CDK17: variants seen among roughly 807,000 people sequenced by gnomAD.
The protein encoded by CDK17 is cyclin-dependent kinase 17.
CDK17 carries 24 observed loss-of-function variants against 77.6 expected under a neutral mutation model. The ratio of observed to expected loss-of-function variants is 0.31; its 90% CI spans 0.22 to 0.44. CDK17 has a LOEUF of 0.44. Among genes scored for constraint, CDK17 ranks in the 20% least tolerant of loss-of-function variants. The pLI, the probability that CDK17 is intolerant of heterozygous loss-of-function variation, is 1.00. For synonymous variants in CDK17, 203 were observed against 210.4 expected, an observed-to-expected ratio of 0.96 and a Z score of 0.30; for missense variants, 429 against 622.5, an observed-to-expected ratio of 0.69 and a Z score of 3.31.
At chr12:96,298,602 C>A (rs891791511) in intron 7 of CDK17, among the ~76,000 whole-genome samples, 1 of 152,094 alleles carries the variant, frequency 6.6e-6, no homozygotes, top group Non-Finnish European at 1.5e-5. Context: ...TTTATAGTTA[C>A]CATGTTCCTC....
chr12:96,392,486 C>T (rs1217664794), intron 1 of CDK17, among the ~76,000 whole-genome samples: 2 of 152,014 alleles, frequency 1.3e-5, no homozygotes, highest in African/African-American at 2.4e-5. Flanking sequence ...AAAACCCTTA[C>T]GTAAGAAAGT....
chr12:96,345,990 T>G lies in CDK17; in HGVS notation c.-29-11125A>C, dbSNP rs556658760. ...AACTCTTCAATTAAAAGGCAGAGAT[T>G]GTCAGACTGGATTTTTTAAAAACCC... is the stretch of plus-strand genomic sequence containing the variant. On this transcript the variant is annotated intron_variant, in intron 1 of 16. Coordinates refer to ENST00000261211, the MANE Select transcript of CDK17 (RefSeq NM_002595.5). Among the ~76,000 whole-genome samples the G allele has an allele frequency of 2.2e-4, 33 of 152,342 alleles. No individual in the cohort carries two copies. In the East Asian group the frequency reaches 6.0e-3, roughly 28 times the overall value.
chr12:96,320,249 A>G (rs565123269), intron 3 of CDK17, among the ~76,000 whole-genome samples: 44 of 146,236 alleles, frequency 3.0e-4, no homozygotes, highest in Admixed American at 8.9e-4. Flanking sequence ...CCAACTTACA[A>G]GGGATGTGAA....
intron 1 of CDK17, among the ~76,000 whole-genome samples, chr12:96,388,917 A>C (rs905240963): frequency 2.4e-4 from 37 of 152,248 alleles, no homozygotes; most frequent in African/African-American, 8.9e-4. Flanking sequence ...TACAAACTTT[A>C]AAACAACCGA....
At position 96,288,643 on chromosome 12, in the gene CDK17, G is replaced by C. The variant is rs1187225174; in HGVS notation, c.1118+524C>G. ...GGAATTAATTGTACCTTATTCTATA[G>C]GTAATGAAGGGGGTGGCAATAACGG... On this transcript the variant is annotated intron_variant, in intron 11 of 16. Transcript: ENST00000261211. Among the ~76,000 whole-genome samples, 3 of 152,186 alleles carry C rather than the reference G, an allele frequency of 2.0e-5. No individual in the cohort carries two copies. In the East Asian group the frequency reaches 5.8e-4, roughly 29 times the overall value.
chr12:96,321,991 C>A (rs1952824025), intron 3 of CDK17, among the ~76,000 whole-genome samples: 1 of 152,082 alleles, frequency 6.6e-6, no homozygotes. Context: ...AAAAAAAAAT[C>A]TGTCCTGTTG....
At chr12:96,292,789 A>C (rs1952343370) in intron 10 of CDK17, among the ~76,000 whole-genome samples, 1 of 152,184 alleles carries the variant, frequency 6.6e-6, no homozygotes, top group East Asian at 1.9e-4. Context: ...TTTACTTTCT[A>C]GAAGCAAAAA....
At chr12:96,341,324 C>CAT (rs1301652036) in intron 1 of CDK17, among the ~76,000 whole-genome samples, 1 of 139,802 alleles carries the variant, frequency 7.2e-6, no homozygotes, top group Non-Finnish European at 1.7e-5. Flanking sequence ...TACATACACA[C>CAT]ACACACACAC....
chr12:96,340,074 ACATTTCTACTGGACAATGCTGACATAGAG>A (rs1953102004), intron 1 of CDK17, among the ~76,000 whole-genome samples: 1 of 152,086 alleles, frequency 6.6e-6, no homozygotes, highest in African/African-American at 2.4e-5. Context: ...GGTGCACATT[ACATTTCTACTGGACAATGCTGACATAGAG>A]CATTTTATAT....
intron 5 of CDK17, among the ~76,000 whole-genome samples, chr12:96,309,640 C>A (rs897218031): frequency 4.6e-5 from 7 of 151,630 alleles, no homozygotes; most frequent in African/African-American, 7.3e-5. Flanking sequence ...AGACAGAAAA[C>A]CCAATAGAAA....
At chr12:96,331,868 C>T (rs1253463957) in intron 2 of CDK17, among the ~76,000 whole-genome samples, 1 of 152,060 alleles carries the variant, frequency 6.6e-6, no homozygotes, top group Non-Finnish European at 1.5e-5. Flanking sequence ...AATCAAGAGA[C>T]AAGTGATCAA....
At chr12:96,380,100 T>C (rs1030048362) in intron 1 of CDK17, among the ~76,000 whole-genome samples, 1 of 150,840 alleles carries the variant, frequency 6.6e-6, no homozygotes, top group Non-Finnish European at 1.5e-5. Context: ...ACCCAGGAGG[T>C]TGAGCCTGCA....
chr12:96,284,426 A>C (rs571041649), intron 13 of CDK17: 2 of 146,280 alleles, frequency 1.4e-5, no homozygotes. Context: ...GCACCACTGC[A>C]GTCTGGCCTG....
At chr12:96,391,432 G>A (rs930334616) in intron 1 of CDK17, among the ~76,000 whole-genome samples, 3 of 151,036 alleles carry the variant, frequency 2.0e-5, no homozygotes, top group Non-Finnish European at 4.4e-5. Flanking sequence ...TGGAATTACA[G>A]GCCTGAGCCA....
At chr12:96,312,530 C>G (rs1457888856) in intron 4 of CDK17, among the ~76,000 whole-genome samples, 1 of 152,100 alleles carries the variant, frequency 6.6e-6, no homozygotes, top group Non-Finnish European at 1.5e-5. Context: ...ATTTAGAAAA[C>G]TGATAAGATT....
intron 1 of CDK17, among the ~76,000 whole-genome samples, chr12:96,380,174 C>CA (rs58742783): frequency 2.0e-4 from 29 of 145,232 alleles, no homozygotes; most frequent in East Asian, 4.0e-4. Context: ...GTCCCCCGAC[C>CA]AAAAAAAAAA....
chr12:96,304,514 C>T (rs1024555974), intron 5 of CDK17, among the ~76,000 whole-genome samples: 5 of 150,398 alleles, frequency 3.3e-5, no homozygotes, highest in Non-Finnish European at 7.4e-5. Flanking sequence ...TCCAGCCTGG[C>T]GACAGAGCAA....
At chr12:96,305,690 A>C (rs151310694) in intron 5 of CDK17, among the ~76,000 whole-genome samples, 31 of 152,270 alleles carry the variant, frequency 2.0e-4, no homozygotes, top group Admixed American at 1.2e-3. Flanking sequence ...TTTGTTATAC[A>C]GAAAAGGAGG....
chr12:96,311,258 T>A (rs1952642436), intron 4 of CDK17, 81 bp from the exon 5 acceptor site: 2 of 1,165,412 alleles, frequency 1.7e-6, no homozygotes, highest in Non-Finnish European at 2.3e-6. Context: ...ACATATTATT[T>A]CTTAGTGATA....
Sources: allele counts gnomAD v4.1 joint callset (sites outside exome capture counted in the v4.1 genomes callset), GRCh38; gene constraint gnomAD v4.1.1; transcripts MANE v1.5; gene names NCBI Gene and HGNC (gene_info 2026-07-23, HGNC 2026-07-21).